CFAP58: variants seen among roughly 807,000 people sequenced by gnomAD.
CFAP58 encodes the protein cilia- and flagella-associated protein 58.
A neutral mutation model predicts 119.5 loss-of-function variants in CFAP58; 88 were observed. The observed-to-expected ratio is 0.74, with a 90% CI of 0.62 to 0.88. The LOEUF is 0.88. Ranked by LOEUF, CFAP58 falls within the 40% of genes least tolerant of loss-of-function variation. The pLI is 0.00. For missense variants in CFAP58, 990 were observed against 1,021.2 expected (o/e 0.97, Z 0.42); for synonymous variants, 365 against 366.3 (o/e 1.00, Z 0.04).
intron 9 of CFAP58, among the ~76,000 whole-genome samples, chr10:104,386,437 C>T (rs1170318991): frequency 6.6e-6 from 1 of 151,584 alleles, no homozygotes; most frequent in East Asian, 1.9e-4. Context: ...TTGTGTATTA[C>T]TTTAGTATCC....
upstream of CFAP58, chr10:104,351,961 A>G (rs1278204769): frequency 1.3e-5 from 2 of 152,222 alleles, no homozygotes; most frequent in Non-Finnish European, 2.9e-5. Flanking sequence ...AAAGATCAAT[A>G]GAAAAATAGA....
chr10:104,420,339 C>T (rs143140903), intron 15 of CFAP58, among the ~76,000 whole-genome samples: 68 of 152,190 alleles, frequency 4.5e-4, no homozygotes, highest in Non-Finnish European at 6.3e-4. Context: ...AAGAGATTGG[C>T]GCTGGTAAGC....
chr10:104,377,659 G>A (rs2011698097), intron 8 of CFAP58, among the ~76,000 whole-genome samples: 1 of 152,164 alleles, frequency 6.6e-6, no homozygotes, highest in Non-Finnish European at 1.5e-5. Context: ...AACAGCCACG[G>A]CCAAGACAGT....
In CFAP58 at chr10:104,406,703, T is replaced by G; in HGVS notation, c.2166T>G (p.Asn722Lys). Residue 722 changes from asparagine (N) to lysine (K), a missense_variant, in exon 15 of 18, where the codon AAT (asparagine) becomes AAG (lysine). Asn to Lys is a moderately conservative substitution (Grantham distance 94). Transcript: ENST00000369704. ...CCCTTGGACAGGCCAGCGACCCCAA[T>G]GCATATGAGCTGATACAGAAAATTC... ...RWRKLEASDPNAYELIQKIHT... is the reference protein window; with the variant it reads ...RWRKLEASDPKAYELIQKIHT... The G allele has an allele frequency of 6.2e-7, 1 of 1,614,152 alleles. No individual in the cohort carries two copies. Among genetic ancestry groups the G allele is most frequent in the Non-Finnish European group, 8.5e-7 (1 of 1,180,024 alleles).
At chr10:104,437,836 A>T (rs527927751) in intron 15 of CFAP58, among the ~76,000 whole-genome samples, 1 of 152,350 alleles carries the variant, frequency 6.6e-6, no homozygotes, top group East Asian at 1.9e-4. Context: ...AAAAAACATT[A>T]ACCATAAAAG....
intron 13 of CFAP58, among the ~76,000 whole-genome samples, chr10:104,403,221 T>C (rs2012297091): frequency 6.6e-6 from 1 of 152,172 alleles, no homozygotes; most frequent in Admixed American, 6.5e-5. Flanking sequence ...TCACGAGATC[T>C]GATGGTTTTT....
intron 1 of CFAP58, among the ~76,000 whole-genome samples, chr10:104,357,771 GTA>G (rs1017689545): frequency 2.0e-5 from 3 of 149,908 alleles, no homozygotes; most frequent in Admixed American, 6.6e-5. Context: ...GTGTATGTGT[GTA>G]TATATGTGTG....
chr10:104,424,593 T>C (rs749828244), intron 15 of CFAP58, among the ~76,000 whole-genome samples: 1 of 152,162 alleles, frequency 6.6e-6, no homozygotes, highest in Non-Finnish European at 1.5e-5. Flanking sequence ...TTTCTGGGTA[T>C]TTTTGGGAAG....
chr10:104,408,197 T>G (rs999678137), intron 15 of CFAP58, among the ~76,000 whole-genome samples: 2 of 152,228 alleles, frequency 1.3e-5, no homozygotes, highest in African/African-American at 4.8e-5. Context: ...TCTTGTAGAT[T>G]ACTGTGTGGT....
chr10:104,404,553 A>G (rs1321655116), intron 14 of CFAP58, among the ~76,000 whole-genome samples: 4 of 152,218 alleles, frequency 2.6e-5, no homozygotes, highest in Admixed American at 2.6e-4. Context: ...AGTATGTCAT[A>G]TAAGATAAAG....
chr10:104,341,242 T>C, the CFAP58 span, among the ~76,000 whole-genome samples: 1 of 151,764 alleles, frequency 6.6e-6, no homozygotes, highest in Non-Finnish European at 1.5e-5. Flanking sequence ...AAATATTCTT[T>C]ATATTATTTT....
chr10:104,380,327 T>C (rs2011763519), intron 9 of CFAP58, 107 bp downstream of exon 9: 1 of 1,112,998 alleles, frequency 9.0e-7, no homozygotes, highest in Non-Finnish European at 1.3e-6. Context: ...TTTCTGTTTG[T>C]AATTTGTGTG....
chr10:104,424,620 C>T (rs952188091), intron 15 of CFAP58, among the ~76,000 whole-genome samples: 4 of 152,102 alleles, frequency 2.6e-5, no homozygotes, highest in Non-Finnish European at 5.9e-5. Flanking sequence ...GACTGATCTC[C>T]GTGAGCAGTG....
rs1262839629 is a variant in CFAP58, at chr10:104,386,188, G to A, written c.1365+5968G>A. 1.6e-4 allele frequency among the ~76,000 whole-genome samples: 24 copies of A among 151,546 alleles called. No homozygotes were observed. The East Asian group carries it at 4.5e-3, about 28-fold the overall frequency. The stretch of plus-strand genomic sequence containing the variant: ...AGGTCAGGAGTTCAAGTCCAGCCTG[G>A]CCAACATGGTGAAACACCATTTCTA... On this transcript the variant is annotated intron_variant, in intron 9 of 17. Coordinates refer to ENST00000369704, the MANE Select transcript of CFAP58 (RefSeq NM_001008723.2).
At chr10:104,370,872 T>G (rs201507774) in intron 6 of CFAP58, 23 bp from the exon 7 acceptor site, 1 of 1,598,796 alleles carries the variant, frequency 6.3e-7, no homozygotes, top group South Asian at 1.1e-5. Flanking sequence ...AGTGACTCAT[T>G]AATTCTTTCT....
At chr10:104,356,675 A>T (rs1420839434) in intron 1 of CFAP58, among the ~76,000 whole-genome samples, 1 of 148,556 alleles carries the variant, frequency 6.7e-6, no homozygotes, top group East Asian at 2.0e-4. Context: ...TTTTTCTGAG[A>T]TTTTTTTTTT....
intron 9 of CFAP58, among the ~76,000 whole-genome samples, chr10:104,390,483 C>T (rs1335710144): frequency 2.0e-5 from 3 of 152,124 alleles, no homozygotes; most frequent in Non-Finnish European, 4.4e-5. Context: ...GTAAATATTA[C>T]TTATTTTGAT....
chr10:104,403,316 TTGTGAGGCCTCTCCAGCCATG>T (rs1415903796), intron 13 of CFAP58, among the ~76,000 whole-genome samples: 1 of 152,204 alleles, frequency 6.6e-6, no homozygotes, highest in Non-Finnish European at 1.5e-5. Flanking sequence ...TCCTCCATGA[TTGTGAGGCCTCTCCAGCCATG>T]TGGAACTGTG....
chr10:104,378,676 G>T (rs2011716909), intron 8 of CFAP58, among the ~76,000 whole-genome samples: 1 of 152,130 alleles, frequency 6.6e-6, no homozygotes. Flanking sequence ...ACAAAAAATG[G>T]CTGTCACCAA....
Sources: allele counts gnomAD v4.1 joint callset (sites outside exome capture counted in the v4.1 genomes callset), GRCh38; gene constraint gnomAD v4.1.1; transcripts MANE v1.5; gene names NCBI Gene and HGNC (gene_info 2026-07-23, HGNC 2026-07-21).